OR3A2: variants seen among roughly 807,000 people sequenced by gnomAD.
The protein encoded by OR3A2 is olfactory receptor family 3 subfamily A member 2, also known as olfactory receptor 3A2.
For synonymous variants in OR3A2, 126 were observed against 159.3 expected (o/e 0.79, Z 1.57); for missense variants, 318 against 392.8 (o/e 0.81, Z 1.61).
At chr17:3,371,509 C>G (rs1206618967) in intron 2 of OR3A2, among the ~76,000 whole-genome samples, 1 of 137,094 alleles carries the variant, frequency 7.3e-6, no homozygotes, top group Non-Finnish European at 1.6e-5. Flanking sequence ...GGCGGCTGGC[C>G]GGGCGGGGGG....
At chr17:3,354,343 G>C (rs2049445934) in intron 2 of OR3A2, among the ~76,000 whole-genome samples, 1 of 151,262 alleles carries the variant, frequency 6.6e-6, no homozygotes, top group African/African-American at 2.4e-5. Flanking sequence ...GAAAGGTTTT[G>C]CTCTGTCACC....
rs551144699 is a variant in OR3A2 at position 3,323,571 on chromosome 17, A to G, written c.-85+12462T>C. On this transcript the variant is annotated intron_variant, in intron 3 of 4. Transcript: ENST00000573491. ...AGGCCTGGTGGTGACAAAATCTCTC[A>G]GCATTTGCTTGTCTGTAAAGGGTTT... Among the ~76,000 whole-genome samples the G allele has an allele frequency of 8.1e-4, 123 of 152,182 alleles. 2 individuals carry two copies. The highest frequency in any genetic ancestry group is 2.9e-3 in the African/African-American group (119 of 41,494).
intron 3 of OR3A2, among the ~76,000 whole-genome samples, chr17:3,302,112 G>T (rs2048970651): frequency 6.6e-6 from 1 of 152,068 alleles, no homozygotes; most frequent in South Asian, 2.1e-4. Context: ...ACAAATGGAA[G>T]AACATTCCAT....
upstream of OR3A2, among the ~76,000 whole-genome samples, chr17:3,285,973 C>T (rs138542365): frequency 0.018 from 2,795 of 152,184 alleles, 92 homozygotes; most frequent in African/African-American, 0.063. Flanking sequence ...TGTGCAGGTT[C>T]GTTACATAGG....
At chr17:3,343,184 A>C (rs2049334682) in intron 2 of OR3A2, among the ~76,000 whole-genome samples, 1 of 152,168 alleles carries the variant, frequency 6.6e-6, no homozygotes, top group Non-Finnish European at 1.5e-5. Flanking sequence ...TGTCTAGGAA[A>C]GGGAAATCCC....
chr17:3,331,118 C>T (rs942121655), intron 3 of OR3A2, among the ~76,000 whole-genome samples: 1 of 152,058 alleles, frequency 6.6e-6, no homozygotes, highest in African/African-American at 2.4e-5. Flanking sequence ...GAGGGTAACC[C>T]GACCTTTCTC....
intron 2 of OR3A2, among the ~76,000 whole-genome samples, chr17:3,369,514 G>C (rs2049593306): frequency 6.6e-6 from 1 of 152,016 alleles, no homozygotes; most frequent in Non-Finnish European, 1.5e-5. Flanking sequence ...GTTTTTAATT[G>C]TTTACATGGT....
chr17:3,283,011 TCTC>T (rs1432106996), intron 1 of OR3A2, among the ~76,000 whole-genome samples: 6 of 147,018 alleles, frequency 4.1e-5, no homozygotes, highest in Non-Finnish European at 7.4e-5. Context: ...TCTCTTCTGC[TCTC>T]CTCTTCTGTC....
intron 3 of OR3A2, among the ~76,000 whole-genome samples, chr17:3,320,383 T>C (rs2049110838): frequency 2.0e-5 from 3 of 147,272 alleles, no homozygotes; most frequent in Non-Finnish European, 4.5e-5. Flanking sequence ...TTTAGTTTAA[T>C]TAGATCCCAT....
intron 3 of OR3A2, among the ~76,000 whole-genome samples, chr17:3,306,053 C>A (rs910751200): frequency 1.3e-5 from 2 of 152,208 alleles, no homozygotes; most frequent in African/African-American, 2.4e-5. Context: ...GCGGAACAAG[C>A]AGCTCTGGAT....
chr17:3,306,305 C>T (rs2048999593), intron 3 of OR3A2, among the ~76,000 whole-genome samples: 2 of 152,108 alleles, frequency 1.3e-5, no homozygotes, highest in African/African-American at 2.4e-5. Context: ...GTTTGTGCCA[C>T]CACAGTCAGC....
intron 2 of OR3A2, among the ~76,000 whole-genome samples, chr17:3,371,944 G>A (rs147476740): frequency 0.021 from 3,134 of 148,094 alleles, 138 homozygotes; most frequent in African/African-American, 0.073. Flanking sequence ...CCTCCCTCCC[G>A]GACGGGGTGG....
Position 3,311,820 on chromosome 17 carries a change from G to C in OR3A2, c.-85+24213C>G. 6 of 184,704 alleles carry C rather than the reference G, an allele frequency of 3.2e-5. No individual in the cohort carries two copies. Among genetic ancestry groups the C allele is most frequent in the East Asian group, 1.3e-4 (1 of 7,668 alleles). The allele number at this position is 184,704 out of a possible 1,614,324, so 11.4% of individuals were successfully genotyped here. Reference sequence around the variant, plus strand: ...CCTCAGACAAAGATAAGGGGATTGGGATCCTCAACACTATCCTCAGTCCCA... The same window carrying C: ...CCTCAGACAAAGATAAGGGGATTGGCATCCTCAACACTATCCTCAGTCCCA... On this transcript the variant is annotated intron_variant, in intron 3 of 4. Transcript: ENST00000573491. The surrounding 1 kb of genome is among the most constrained non-coding windows in gnomAD (Gnocchi z 4.6).
intron 3 of OR3A2, among the ~76,000 whole-genome samples, chr17:3,330,321 CT>C (rs1316919295): frequency 2.7e-5 from 4 of 150,106 alleles, no homozygotes; most frequent in Admixed American, 6.6e-5. Flanking sequence ...GTGTTAAAGT[CT>C]CCCATTATTA....
chr17:3,303,383 G>T (rs2048978992), intron 3 of OR3A2, among the ~76,000 whole-genome samples: 1 of 152,030 alleles, frequency 6.6e-6, no homozygotes, highest in African/African-American at 2.4e-5. Context: ...TAAGTGAAAA[G>T]GCAAGCTACA....
At chr17:3,362,357 C>CA (rs897172941) in intron 2 of OR3A2, among the ~76,000 whole-genome samples, 3 of 151,368 alleles carry the variant, frequency 2.0e-5, no homozygotes, top group Non-Finnish European at 2.9e-5. Flanking sequence ...TTCATCTTTT[C>CA]AAAAAAACCA....
At chr17:3,296,822 C>T (rs925482332) in intron 3 of OR3A2, among the ~76,000 whole-genome samples, 5 of 152,182 alleles carry the variant, frequency 3.3e-5, no homozygotes, top group African/African-American at 1.2e-4. Context: ...TACACTACCA[C>T]CAACATTCCG....
At chr17:3,289,097 TTGTG>T (rs1567542857), upstream of OR3A2, among the ~76,000 whole-genome samples, 2 of 149,830 alleles carry the variant, frequency 1.3e-5, no homozygotes, top group Admixed American at 1.3e-4. Context: ...GTGGGTGTGT[TTGTG>T]TGTGTGAGTG....
rs73977648 is a variant in OR3A2, at chr17:3,304,278, C to T, written c.-84-25125G>A. ...CACAGATTCCAATGCAGCCAAGGAC[C>T]GGCGAAGACCCACCTGCAGGACTCT... On this transcript the variant is annotated intron_variant, in intron 3 of 4. Coordinates refer to the OR3A2 transcript ENST00000573491. Among the ~76,000 whole-genome samples, 1,482 of 152,188 alleles carry T rather than the reference C, an allele frequency of 9.7e-3. 27 individuals are homozygous for T. The highest frequency in any genetic ancestry group is 0.033 in the African/African-American group (1,381 of 41,512).
Sources: gnomAD v4.1 joint callset for allele counts (sites outside exome capture counted in the v4.1 genomes callset) on GRCh38, gnomAD v4.1.1 for gene constraint, Gnocchi (gnomAD v3.1) non-coding constraint, MANE v1.5 for transcripts, NCBI Gene and HGNC (gene_info 2026-07-23, HGNC 2026-07-21) for gene names.